Variants in HCN1 observed in about 807,000 individuals in gnomAD.
HCN1 encodes the protein hyperpolarization activated cyclic nucleotide gated potassium channel 1, also known as potassium/sodium hyperpolarization-activated cyclic nucleotide-gated channel 1.
Under a neutral mutation model 78.9 loss-of-function variants are expected in HCN1, and 13 were observed. The ratio of observed to expected loss-of-function variants is 0.16; its 90% CI spans 0.11 to 0.26. The LOEUF is 0.26. Ranked by LOEUF, HCN1 falls within the 10% of genes least tolerant of loss-of-function variation. The probability of loss-of-function intolerance (pLI) is 1.00; values close to 1 mark genes in which losing one functional copy is unlikely to be tolerated. For synonymous variants in HCN1, 552 were observed against 455.5 expected, an observed-to-expected ratio of 1.21 and a Z score of -2.70; for missense variants, 810 against 1,154.3, an observed-to-expected ratio of 0.70 and a Z score of 4.32.
chr5:45,665,480 A>T (rs1746021918), intron 1 of HCN1, among the ~76,000 whole-genome samples: 1 of 152,032 alleles, frequency 6.6e-6, no homozygotes, highest in African/African-American at 2.4e-5. Flanking sequence ...TATGGCTTTT[A>T]CCTTTGGGTA....
chr5:45,307,051 C>T (rs1301103830), intron 5 of HCN1, among the ~76,000 whole-genome samples: 1 of 151,920 alleles, frequency 6.6e-6, no homozygotes, highest in South Asian at 2.1e-4. Context: ...AGAACAAGAA[C>T]CCCACAGTAA....
At chr5:45,537,599 C>T (rs543301022) in intron 2 of HCN1, among the ~76,000 whole-genome samples, 56 of 114,982 alleles carry the variant, frequency 4.9e-4, no homozygotes, top group African/African-American at 1.7e-3. Context: ...AGTGAAGTGG[C>T]GAGATCTCAG....
intron 1 of HCN1, among the ~76,000 whole-genome samples, chr5:45,690,452 A>G (rs2112101860): frequency 6.6e-6 from 1 of 152,192 alleles, no homozygotes; most frequent in South Asian, 2.1e-4. Context: ...CTTTACTTCT[A>G]TATATATTCT....
chr5:45,270,457 C>T (rs1321769214), intron 6 of HCN1, among the ~76,000 whole-genome samples: 2 of 152,146 alleles, frequency 1.3e-5, no homozygotes, highest in East Asian at 1.9e-4. Flanking sequence ...ATTTTATTAA[C>T]AAGAAAGGGC....
intron 5 of HCN1, among the ~76,000 whole-genome samples, chr5:45,323,361 G>A (rs745570377): frequency 9.9e-5 from 15 of 151,474 alleles, no homozygotes; most frequent in Non-Finnish European, 1.9e-4. Context: ...TTATTTCTTA[G>A]TATAACTACT....
chr5:45,646,816 T>C (rs1052103970), intron 1 of HCN1, among the ~76,000 whole-genome samples: 8 of 152,148 alleles, frequency 5.3e-5, no homozygotes, highest in Non-Finnish European at 1.0e-4. Context: ...CACAACTGTA[T>C]AATCATGAAA....
intron 3 of HCN1, among the ~76,000 whole-genome samples, chr5:45,436,692 C>A (rs998369948): frequency 6.6e-6 from 1 of 152,146 alleles, no homozygotes; most frequent in Admixed American, 6.6e-5. Flanking sequence ...GTAACACTGA[C>A]AAGGCCTTTG....
rs1357814283 is a variant in HCN1 at position 45,696,110 on chromosome 5, C to T, written c.-17G>A. On this transcript the variant is annotated 5_prime_UTR_variant, in exon 1 of 8. Coordinates refer to ENST00000303230, the MANE Select transcript of HCN1 (RefSeq NM_021072.4). Reference sequence around the variant, plus strand: ...TCCTTCCATGCCCGGAGGACGCGGCCGGCGACGGCGCGGGCTCCAGACTCG... The same window carrying T: ...TCCTTCCATGCCCGGAGGACGCGGCTGGCGACGGCGCGGGCTCCAGACTCG... 2 of 1,321,466 alleles carry T rather than the reference C, an allele frequency of 1.5e-6. No homozygotes were observed. The highest frequency in any genetic ancestry group is 2.8e-5 in the Admixed American group (1 of 36,328). 81.9% of individuals were successfully genotyped at this position (1,321,466 alleles called of 1,614,324 possible).
chr5:45,352,451 C>T (rs1441527624), intron 5 of HCN1, among the ~76,000 whole-genome samples: 1 of 151,856 alleles, frequency 6.6e-6, no homozygotes, highest in Non-Finnish European at 1.5e-5. Context: ...GTGCAGCACA[C>T]CAGCATCGCA....
chr5:45,558,766 T>C (rs949412779), intron 2 of HCN1: 1 of 151,944 alleles, frequency 6.6e-6, no homozygotes, highest in Non-Finnish European at 1.5e-5. Context: ...TCTGTGTCTA[T>C]AGTATTTATT....
rs1013145031 is a variant in HCN1 at position 45,313,555 on chromosome 5, G to A, written c.1378-9716C>T. 1.5e-4 allele frequency among the ~76,000 whole-genome samples: 23 copies of A among 152,086 alleles called. 1 individual carries two copies. The highest frequency in any genetic ancestry group is 8.5e-4 in the Admixed American group (13 of 15,258). On this transcript the variant is annotated intron_variant, in intron 5 of 7. Transcript: ENST00000303230. ...GAGTTGAGAGAAGAAGGCTTCAGACGATAAAACTTCTCCAAGCTAAAGGAG... is the reference window on the plus strand; with the variant it reads ...GAGTTGAGAGAAGAAGGCTTCAGACAATAAAACTTCTCCAAGCTAAAGGAG...
Position 45,262,060 on chromosome 5 carries a change from A to T in HCN1, c.2534T>A (p.Met845Lys). Residue 845 changes from methionine (M) to lysine (K), a missense_variant, in exon 8 of 8, where the codon ATG becomes AAG. Transcript: ENST00000303230. ...VPQRVTLFRQ[M>K]SSGAIPPNRG... Reference sequence around the variant, plus strand: ...GTTCGGGGGGATGGCTCCCGACGACATCTGTCGGAAGAGGGTGACGCGCTG... The same window carrying T: ...GTTCGGGGGGATGGCTCCCGACGACTTCTGTCGGAAGAGGGTGACGCGCTG... 2 of 1,613,894 alleles carry T rather than the reference A, an allele frequency of 1.2e-6. No homozygotes were observed. The highest frequency in any genetic ancestry group is 1.7e-6 in the Non-Finnish European group (2 of 1,180,006).
At chr5:45,407,150 T>G (rs1202111836) in intron 3 of HCN1, among the ~76,000 whole-genome samples, 3 of 152,208 alleles carry the variant, frequency 2.0e-5, no homozygotes, top group Admixed American at 2.0e-4. Context: ...CACCACATAA[T>G]GATGTTTCAG....
At chr5:45,494,043 T>C (rs1037159999) in intron 2 of HCN1, among the ~76,000 whole-genome samples, 2 of 152,146 alleles carry the variant, frequency 1.3e-5, no homozygotes. Context: ...CTATTGTGAA[T>C]AATGCCGCAA....
chr5:45,478,596 G>A (rs967767743), intron 2 of HCN1, among the ~76,000 whole-genome samples: 2 of 152,180 alleles, frequency 1.3e-5, no homozygotes, highest in African/African-American at 4.8e-5. Flanking sequence ...ATCACAGTGA[G>A]AGAGATCAAC....
chr5:45,550,833 A>T lies in HCN1; in HGVS notation c.850-88826T>A, dbSNP rs1187948695. 3.9e-5 allele frequency among the ~76,000 whole-genome samples: 6 copies of T among 152,032 alleles called. No individual in the cohort carries two copies. In the East Asian group the frequency reaches 1.2e-3, roughly 29 times the overall value. The stretch of plus-strand genomic sequence containing the variant: ...AAAAATTCACAAATCTCCCATCTGC[A>T]CTTGCTTAGAAGAGAAGTATAAAAC... On this transcript the variant is annotated intron_variant, in intron 2 of 7. Coordinates refer to ENST00000303230, the MANE Select transcript of HCN1 (RefSeq NM_021072.4).
At chr5:45,303,915 A>C (rs1043483467) in intron 5 of HCN1, 76 bp from the exon 6 acceptor site, 5 of 1,257,634 alleles carry the variant, frequency 4.0e-6, no homozygotes, top group Non-Finnish European at 5.8e-6. Context: ...TGAAATTTAA[A>C]ATATATACAG....
At position 45,302,050 on chromosome 5, in the gene HCN1, C is replaced by T. The variant is rs529747001; in HGVS notation, c.1618+1549G>A. Among the ~76,000 whole-genome samples the T allele has an allele frequency of 9.2e-5, 14 of 152,130 alleles. No individual in the cohort carries two copies. In the South Asian group the frequency reaches 2.7e-3, roughly 29 times the overall value. On this transcript the variant is annotated intron_variant, in intron 6 of 7. Transcript: ENST00000303230. ...AATTAGTAACTCTAAGAAGAAATTT[C>T]TCAGCCTCCCAGAAATAACAAAAAT...
chr5:45,279,400 C>A (rs1745119070), intron 6 of HCN1, among the ~76,000 whole-genome samples: 1 of 152,002 alleles, frequency 6.6e-6, no homozygotes, highest in Admixed American at 6.6e-5. Context: ...CTCATATAAC[C>A]AGAAACTCAA....
Sources: allele counts gnomAD v4.1 joint callset (sites outside exome capture counted in the v4.1 genomes callset), GRCh38; gene constraint gnomAD v4.1.1; transcripts MANE v1.5; gene names NCBI Gene and HGNC (gene_info 2026-07-23, HGNC 2026-07-21).